The following PDZD2 variants were observed in gnomAD, a reference collection of about 807,000 sequenced individuals.
PDZD2 encodes the protein PDZ domain containing 2, also known as PDZ domain-containing protein 2.
In PDZD2, 90 loss-of-function variants were observed where a neutral mutation model predicts 220.7. The observed-to-expected ratio is 0.41, with a 90% CI of 0.34 to 0.49. PDZD2 has a LOEUF of 0.49. Among genes scored for constraint, PDZD2 ranks in the 20% least tolerant of loss-of-function variants. PDZD2 has a pLI of 0.28. For synonymous variants in PDZD2, 1,375 were observed against 1,450.5 expected (o/e 0.95, Z 1.18); for missense variants, 3,174 against 3,608.5 (o/e 0.88, Z 3.08).
chr5:31,997,420 A>G (rs929715507), intron 4 of PDZD2, among the ~76,000 whole-genome samples: 1 of 152,322 alleles, frequency 6.6e-6, no homozygotes, highest in Admixed American at 6.5e-5. Context: ...ACTAAAGTAG[A>G]GATAAGATTA....
chr5:32,076,668 A>G (rs1290107347), intron 18 of PDZD2, among the ~76,000 whole-genome samples: 1 of 152,230 alleles, frequency 6.6e-6, no homozygotes, highest in Non-Finnish European at 1.5e-5. Flanking sequence ...TTTGAAATGT[A>G]CAAGTCAATG....
At chr5:32,024,094 C>T (rs1754431726) in intron 6 of PDZD2, among the ~76,000 whole-genome samples, 1 of 152,158 alleles carries the variant, frequency 6.6e-6, no homozygotes, top group Admixed American at 6.5e-5. Context: ...TCATGATTGC[C>T]CCGTAGTGCA....
At position 31,983,429 on chromosome 5, in the gene PDZD2, G is replaced by A. The variant is rs1349219361; in HGVS notation, c.751G>A (p.Glu251Lys). 1 of 1,614,098 alleles carries A rather than the reference G, an allele frequency of 6.2e-7. No homozygotes were observed. Among genetic ancestry groups the A allele is most frequent in the Non-Finnish European group, 8.5e-7 (1 of 1,180,046 alleles). The change falls in exon 3 of 25, where the codon GAG becomes AAG. Residue 251 changes from glutamate to lysine, a missense_variant. Physicochemically the swap from Glu to Lys is moderately conservative, Grantham distance 56. Around this residue, in one of 4 missense-constraint regions of PDZD2, gnomAD observed 632 missense variants for 708.1 expected, o/e 0.89. Transcript: ENST00000438447. ...GTCCAGTGACCCCAGCACTGAGCTG[G>A]AGAACGGCCCTGACCCTGAACTTGG... ...EVSSDPSTELENGPDPELGNG... is the reference protein window; with the variant it reads ...EVSSDPSTELKNGPDPELGNG...
chr5:31,656,283 T>A (rs4867360), intron 1 of PDZD2, among the ~76,000 whole-genome samples: 1 of 152,042 alleles, frequency 6.6e-6, no homozygotes, highest in Non-Finnish European at 1.5e-5. Context: ...AAAGTCTCAT[T>A]CCCTTTGAAA....
intron 2 of PDZD2, among the ~76,000 whole-genome samples, chr5:31,810,547 G>A (rs1356915370): frequency 6.6e-6 from 1 of 152,190 alleles, no homozygotes; most frequent in African/African-American, 2.4e-5. Context: ...TTACAGGCTT[G>A]AGCCACCACG....
chr5:32,030,110 G>A (rs1179051915), intron 6 of PDZD2, among the ~76,000 whole-genome samples: 1 of 152,230 alleles, frequency 6.6e-6, no homozygotes, highest in African/African-American at 2.4e-5. Context: ...GCTGCATTGG[G>A]TGTAGATGGT....
chr5:31,786,995 C>G (rs1292467960), intron 1 of PDZD2, among the ~76,000 whole-genome samples: 1 of 152,126 alleles, frequency 6.6e-6, no homozygotes, highest in Non-Finnish European at 1.5e-5. Context: ...AAAAATCACT[C>G]TGGTGTAATT....
intron 7 of PDZD2, among the ~76,000 whole-genome samples, chr5:32,047,225 AT>A (rs1738056444): frequency 1.3e-5 from 2 of 148,828 alleles, no homozygotes; most frequent in African/African-American, 4.9e-5. Context: ...GTGAAATGCA[AT>A]TTAAAAAAAA....
At chr5:31,895,887 G>GT (rs1429911985) in intron 2 of PDZD2, among the ~76,000 whole-genome samples, 1 of 152,126 alleles carries the variant, frequency 6.6e-6, no homozygotes, top group African/African-American at 2.4e-5. Flanking sequence ...TAGGTGCCAT[G>GT]TTTCAGCCTC....
chr5:31,908,523 C>G, intron 2 of PDZD2: 2 of 1,073,648 alleles, frequency 1.9e-6, no homozygotes, highest in South Asian at 1.4e-5. Flanking sequence ...CTGAAGGCCC[C>G]GAGGGCGAGG....
intron 2 of PDZD2, among the ~76,000 whole-genome samples, chr5:31,919,428 C>A (rs1399614615): frequency 6.6e-6 from 1 of 151,894 alleles, no homozygotes; most frequent in Non-Finnish European, 1.5e-5. Flanking sequence ...CTCACTGCAC[C>A]CTCTGTCTCC....
At chr5:31,755,496 A>G (rs1486474056) in intron 1 of PDZD2, among the ~76,000 whole-genome samples, 2 of 152,118 alleles carry the variant, frequency 1.3e-5, no homozygotes, top group Non-Finnish European at 2.9e-5. Flanking sequence ...AGATGGCTGT[A>G]TTCTGCTTCT....
intron 1 of PDZD2, among the ~76,000 whole-genome samples, chr5:31,659,826 G>A (rs889745554): frequency 5.3e-5 from 8 of 152,276 alleles, no homozygotes; most frequent in Admixed American, 3.3e-4. Flanking sequence ...CTTTTCCTGC[G>A]GCAGAGGTTG....
intron 12 of PDZD2, 56 bp from the exon 13 acceptor site, chr5:32,059,183 T>C: frequency 2.2e-6 from 2 of 897,398 alleles, no homozygotes; most frequent in Non-Finnish European, 3.7e-6. Flanking sequence ...TTACACATTT[T>C]TTCTAGTGAT....
chr5:31,809,494 C>A (rs563732307), intron 2 of PDZD2, among the ~76,000 whole-genome samples: 1 of 152,214 alleles, frequency 6.6e-6, no homozygotes, highest in East Asian at 1.9e-4. Flanking sequence ...CCTCAGGAGT[C>A]GCACTAATGA....
chr5:31,922,023 G>A (rs1046513527), intron 2 of PDZD2, among the ~76,000 whole-genome samples: 1 of 152,244 alleles, frequency 6.6e-6, no homozygotes, highest in Non-Finnish European at 1.5e-5. Context: ...TTTAGATAGA[G>A]TTTAAGACCT....
chr5:31,936,129 G>A, intron 2 of PDZD2: 1 of 986,746 alleles, frequency 1.0e-6, no homozygotes, highest in Non-Finnish European at 1.2e-6. Flanking sequence ...GGAGGAGAGA[G>A]AGAGAATCTG....
At chr5:31,645,147 C>T (rs1406243330) in intron 1 of PDZD2, among the ~76,000 whole-genome samples, 1 of 152,130 alleles carries the variant, frequency 6.6e-6, no homozygotes, top group African/African-American at 2.4e-5. Context: ...GGGCATTATC[C>T]AATCTCTTGC....
chr5:31,692,631 T>C (rs979177893), intron 1 of PDZD2, among the ~76,000 whole-genome samples: 4 of 152,244 alleles, frequency 2.6e-5, no homozygotes, highest in African/African-American at 9.6e-5. Flanking sequence ...GTCAGGCCCT[T>C]GGACCAGCTC....
Sources: gnomAD v4.1 joint callset for allele counts (sites outside exome capture counted in the v4.1 genomes callset) on GRCh38, gnomAD v4.1.1 for gene constraint, gnomAD v4.1.1 regional missense constraint, MANE v1.5 for transcripts, NCBI Gene and HGNC (gene_info 2026-07-23, HGNC 2026-07-21) for gene names.